Variants in LIN54 observed in about 807,000 individuals in gnomAD.
LIN54 encodes the protein protein lin-54 homolog.
LIN54 carries 9 observed loss-of-function variants against 78.7 expected under a neutral mutation model. The observed-to-expected ratio is 0.11, with a 90% CI of 0.07 to 0.20. LIN54 has a LOEUF of 0.20. LIN54 is among the 10% of genes least tolerant of loss of function. The pLI is 1.00. For synonymous variants in LIN54, 269 were observed against 318.4 expected (o/e 0.84, Z 1.65); for missense variants, 573 against 889.9 (o/e 0.64, Z 4.53).
rs533724281 is a variant in LIN54, at chr4:82,995,730, C to T, written c.-32-10854G>A. On this transcript the variant is annotated intron_variant, in intron 1 of 12. Coordinates refer to ENST00000340417, the MANE Select transcript of LIN54 (RefSeq NM_194282.4). ...CAGGCTGGTCTACATGTCCTGACCT[C>T]GTGATCCACCCACCCGCCTCGGTCT... is the stretch of plus-strand genomic sequence containing the variant. Among the ~76,000 whole-genome samples, 166 of 151,858 alleles carry T rather than the reference C, an allele frequency of 1.1e-3. 2 individuals carry two copies. Among genetic ancestry groups the T allele is most frequent in the African/African-American group, 3.4e-3 (143 of 41,494 alleles).
chr4:82,945,059 G>A (rs554207214), intron 5 of LIN54, among the ~76,000 whole-genome samples: 8 of 152,020 alleles, frequency 5.3e-5, no homozygotes, highest in East Asian at 3.9e-4. Context: ...ACGGGGTTTC[G>A]CCATGTTGGC....
At chr4:83,003,897 A>G (rs1729074785) in intron 1 of LIN54, among the ~76,000 whole-genome samples, 6 of 152,214 alleles carry the variant, frequency 3.9e-5, no homozygotes, top group Admixed American at 3.9e-4. Context: ...ATTCTGGATC[A>G]TCTGAATAAC....
In LIN54 at chr4:82,926,605, G is replaced by T. The variant is rs1721487631; in HGVS notation, c.*1497C>A. 1 of 152,034 alleles carries T rather than the reference G, an allele frequency of 6.6e-6. No individual in the cohort carries two copies. The highest frequency in any genetic ancestry group is 2.4e-5 in the African/African-American group (1 of 41,414). The allele number at this position is 152,034 out of a possible 1,614,324, so 9.4% of individuals were successfully genotyped here. ...CTGAATTCCAACATGGTTTTTTCTT[G>T]TCATAAAATCAAGAGTCCTGTCACA... On this transcript the variant is annotated 3_prime_UTR_variant, in exon 13 of 13. Coordinates refer to ENST00000340417, the MANE Select transcript of LIN54 (RefSeq NM_194282.4).
chr4:82,999,359 G>T (rs558905708), intron 1 of LIN54, among the ~76,000 whole-genome samples: 1 of 152,266 alleles, frequency 6.6e-6, no homozygotes, highest in Non-Finnish European at 1.5e-5. Flanking sequence ...TGAATCCAGC[G>T]TAAAGACCAT....
chr4:82,980,002 A>G (rs1726502279), intron 2 of LIN54, among the ~76,000 whole-genome samples: 1 of 150,062 alleles, frequency 6.7e-6, no homozygotes, highest in Non-Finnish European at 1.5e-5. Context: ...ACTGGAGTGC[A>G]GTGGTGCACT....
Position 83,010,560 on chromosome 4 carries a change from C to T in LIN54, c.-109G>A, listed in dbSNP as rs1190819302. 4 of 1,214,128 alleles carry T rather than the reference C, an allele frequency of 3.3e-6. No homozygotes were observed. Among genetic ancestry groups the T allele is most frequent in the Non-Finnish European group, 4.1e-6 (4 of 977,028 alleles). 75.2% of individuals were successfully genotyped at this position (1,214,128 alleles called of 1,614,324 possible). On this transcript the variant is annotated 5_prime_UTR_variant, in exon 1 of 13. Transcript: ENST00000340417. The stretch of plus-strand genomic sequence containing the variant: ...GAAGGTCCTGGGCAATCCCGAGCCC[C>T]GGCGGGGCTTGTTTTGCCCGTGCAC...
chr4:82,982,990 A>G (rs1387760366), intron 2 of LIN54, among the ~76,000 whole-genome samples: 1 of 148,272 alleles, frequency 6.7e-6, no homozygotes, highest in Admixed American at 6.9e-5. Context: ...GGTCATAAGT[A>G]TATCACTGCA....
chr4:82,937,967 CA>C (rs761377793), intron 8 of LIN54, among the ~76,000 whole-genome samples: 76 of 151,930 alleles, frequency 5.0e-4, no homozygotes, highest in Non-Finnish European at 8.4e-4. Flanking sequence ...CGCATCTCTA[CA>C]AAAAAATTTA....
At chr4:82,968,292 A>G (rs1725382974) in intron 4 of LIN54, among the ~76,000 whole-genome samples, 1 of 152,084 alleles carries the variant, frequency 6.6e-6, no homozygotes, top group Non-Finnish European at 1.5e-5. Context: ...TCTTATAGTT[A>G]AGTGTAAAAT....
At chr4:82,975,563 T>C (rs1165208665) in intron 3 of LIN54, among the ~76,000 whole-genome samples, 14 of 151,588 alleles carry the variant, frequency 9.2e-5, no homozygotes, top group Non-Finnish European at 1.0e-4. Flanking sequence ...ATACAAAAAA[T>C]TAGCCGGGCA....
intron 1 of LIN54, among the ~76,000 whole-genome samples, chr4:82,986,305 C>G (rs927017867): frequency 6.6e-6 from 1 of 151,996 alleles, no homozygotes; most frequent in Non-Finnish European, 1.5e-5. Flanking sequence ...TTAGTAGAGA[C>G]AAGGTTTCTC....
Position 83,010,728 on chromosome 4 carries a change from A to T in LIN54, c.-277T>A. 8.2e-7 allele frequency: 1 copy of T among 1,224,566 alleles called. No homozygotes were observed. Among genetic ancestry groups the T allele is most frequent in the Non-Finnish European group, 1.0e-6 (1 of 983,498 alleles). The allele number at this position is 1,224,566 out of a possible 1,614,324, so 75.9% of individuals were successfully genotyped here. Reference sequence around the variant, plus strand: ...TGTCAGGGGCCGGGATTGTATTTCGAAAGATCCGCCATTTTCACCTCGTCA... The same window carrying T: ...TGTCAGGGGCCGGGATTGTATTTCGTAAGATCCGCCATTTTCACCTCGTCA... On this transcript the variant is annotated 5_prime_UTR_variant, in exon 1 of 13. Coordinates refer to ENST00000340417, the MANE Select transcript of LIN54 (RefSeq NM_194282.4).
chr4:82,988,955 GA>G (rs1206167463), intron 1 of LIN54, among the ~76,000 whole-genome samples: 1 of 152,052 alleles, frequency 6.6e-6, no homozygotes, highest in African/African-American at 2.4e-5. Context: ...TTGGGAGGCC[GA>G]AGCAGGCAGA....
rs1406300215 is a variant in LIN54 at position 82,925,325 on chromosome 4, C to T, written c.*2777G>A. ...CTGCAGGCTCAGGCCTTCAAAGTAGCGAGGACTGCAGGTGTGCGCCACCAC... is the reference window on the plus strand; with the variant it reads ...CTGCAGGCTCAGGCCTTCAAAGTAGTGAGGACTGCAGGTGTGCGCCACCAC... On this transcript the variant is annotated 3_prime_UTR_variant, in exon 13 of 13. Coordinates refer to ENST00000340417, the MANE Select transcript of LIN54 (RefSeq NM_194282.4). 3 of 152,152 alleles carry T rather than the reference C, an allele frequency of 2.0e-5. No individual in the cohort carries two copies. The highest frequency in any genetic ancestry group is 2.1e-4 in the South Asian group (1 of 4,824). The allele number at this position is 152,152 out of a possible 1,614,324, so 9.4% of individuals were successfully genotyped here. A position where few individuals can be genotyped will look rare whatever the true frequency, so the allele number is the denominator to read the frequency against.
chr4:82,958,299 T>C (rs986784012), intron 4 of LIN54, among the ~76,000 whole-genome samples: 12 of 152,214 alleles, frequency 7.9e-5, no homozygotes, highest in Admixed American at 6.5e-4. Flanking sequence ...CATATTCTCT[T>C]CTGCTTCCTA....
rs1560796300 is a variant in LIN54 at position 83,001,937 on chromosome 4, AG to A, written c.-33+8546del. On this transcript the variant is annotated intron_variant, in intron 1 of 12. Transcript: ENST00000340417. ...AGGGAGGGAGGGAGGGAGGGAAGGA[AG>A]GAAGGAAGGAAGGAAGGAAGGAAGG... Among the ~76,000 whole-genome samples, 9 of 3,192 alleles carry A rather than the reference AG, an allele frequency of 2.8e-3. 4 individuals are homozygous for A. Among genetic ancestry groups the A allele is most frequent in the Non-Finnish European group, 0.015 (6 of 410 alleles). 2.1% of individuals were successfully genotyped at this position (3,192 alleles called of 152,430 possible). A position where few individuals can be genotyped will look rare whatever the true frequency, so the allele number is the denominator to read the frequency against.
intron 3 of LIN54, among the ~76,000 whole-genome samples, chr4:82,975,826 CT>C (rs1304967354): frequency 6.6e-6 from 1 of 151,846 alleles, no homozygotes; most frequent in East Asian, 1.9e-4. Flanking sequence ...TACAGTATGA[CT>C]AATGGATAAC....
At chr4:82,928,758 A>G (rs540236832) in intron 12 of LIN54, among the ~76,000 whole-genome samples, 5 of 152,338 alleles carry the variant, frequency 3.3e-5, no homozygotes, top group South Asian at 4.1e-4. Flanking sequence ...TGACAGCACT[A>G]TCTCTTCGGC....
chr4:82,953,172 G>T (rs917738434), intron 4 of LIN54, among the ~76,000 whole-genome samples: 4 of 152,066 alleles, frequency 2.6e-5, no homozygotes, highest in African/African-American at 9.7e-5. Context: ...AATTTTTATA[G>T]AGATGGGGGT....
Sources: allele counts gnomAD v4.1 joint callset (sites outside exome capture counted in the v4.1 genomes callset), GRCh38; gene constraint gnomAD v4.1.1; transcripts MANE v1.5; gene names NCBI Gene and HGNC (gene_info 2026-07-23, HGNC 2026-07-21).